KLHL15: variants seen among roughly 807,000 people sequenced by gnomAD.
KLHL15 encodes kelch like family member 15, also known as kelch-like protein 15.
In KLHL15, 1 loss-of-function variant was observed where a neutral mutation model predicts 29.3. That is an observed-to-expected ratio of 0.03 (90% CI 0.01 to 0.16). The LOEUF is 0.16. KLHL15 is among the 10% of genes least tolerant of loss of function. The pLI is 1.00. For synonymous variants in KLHL15, 212 were observed against 184.5 expected, an observed-to-expected ratio of 1.15 and a Z score of -1.21; for missense variants, 215 against 478.5, an observed-to-expected ratio of 0.45 and a Z score of 5.14.
chrX:24,017,439 C>T (rs1383460709), intron 2 of KLHL15, among the ~76,000 whole-genome samples: 1 of 109,643 alleles, frequency 9.1e-6, no homozygotes, highest in African/African-American at 3.3e-5. Context: ...TCAGTCTCCC[C>T]TCTCTACCAA....
At chrX:24,014,488 T>G (rs1188951878) in intron 2 of KLHL15, among the ~76,000 whole-genome samples, 2 of 107,150 alleles carry the variant, frequency 1.9e-5, no homozygotes, top group Non-Finnish European at 3.9e-5. Context: ...TAAAGGAAAT[T>G]TATAAAAGGA....
chrX:24,023,224 T>C (rs973248719), intron 2 of KLHL15, among the ~76,000 whole-genome samples: 4 of 111,560 alleles, frequency 3.6e-5, no homozygotes, highest in Non-Finnish European at 7.5e-5. Context: ...AGGTTAGGTT[T>C]CTGAGATAAC....
chrX:24,012,085 G>A (rs1314996605), intron 2 of KLHL15, among the ~76,000 whole-genome samples: 1 of 109,923 alleles, frequency 9.1e-6, no homozygotes, highest in Non-Finnish European at 1.9e-5. Flanking sequence ...AACCTGGGAG[G>A]TGGAGGTTGC....
intron 2 of KLHL15, among the ~76,000 whole-genome samples, chrX:24,021,549 C>T (rs761334319): frequency 9.8e-5 from 11 of 112,486 alleles, no homozygotes; most frequent in Non-Finnish European, 1.5e-4. Context: ...CTGACTGTTG[C>T]ATCTCCAGCA....
At chrX:24,016,462 C>T (rs1242365827) in intron 2 of KLHL15, among the ~76,000 whole-genome samples, 1 of 106,640 alleles carries the variant, frequency 9.4e-6, no homozygotes, top group Non-Finnish European at 1.9e-5. Flanking sequence ...GTCAGGAGTT[C>T]GAGACCAGCT....
intron 3 of KLHL15, among the ~76,000 whole-genome samples, chrX:24,001,017 GTAAGT>G (rs1321132996): frequency 8.9e-6 from 1 of 112,186 alleles, no homozygotes; most frequent in Non-Finnish European, 1.9e-5. Flanking sequence ...TAAATTCTCT[GTAAGT>G]TACAGAAATC....
intron 2 of KLHL15, among the ~76,000 whole-genome samples, chrX:24,012,278 T>C (rs186105503): frequency 2.3e-4 from 26 of 112,761 alleles, no homozygotes; most frequent in African/African-American, 8.0e-4. Context: ...TAAAAAAGTT[T>C]ATAAAAATCT....
chrX:24,010,385 T>C (rs778322740), intron 2 of KLHL15, among the ~76,000 whole-genome samples: 1 of 112,111 alleles, frequency 8.9e-6, no homozygotes, highest in African/African-American at 3.2e-5. Context: ...ACAAAAACTA[T>C]GCCAACTGGT....
Position 23,997,621 on chromosome X carries a change from C to G in KLHL15, c.705+8368G>C, listed in dbSNP as rs780696260. 4.4e-4 allele frequency among the ~76,000 whole-genome samples: 45 copies of G among 103,196 alleles called. No individual in the cohort carries two copies. The Admixed American group carries it at 4.7e-3, about 11-fold the overall frequency. The allele number at this position is 103,196 out of a possible 115,157, so 89.6% of individuals were successfully genotyped here. A position where few individuals can be genotyped will look rare whatever the true frequency, so the allele number is the denominator to read the frequency against. ...TGGTGTGCACCCGTAGTCCCAGCTA[C>G]TCGGGAGGCTGAGGCAGGAGAATCA... On this transcript the variant is annotated intron_variant, in intron 3 of 3. Coordinates refer to ENST00000328046, the MANE Select transcript of KLHL15 (RefSeq NM_030624.3).
intron 2 of KLHL15, among the ~76,000 whole-genome samples, chrX:24,019,027 A>T (rs376336237): frequency 2.7e-5 from 3 of 111,561 alleles, no homozygotes; most frequent in East Asian, 5.6e-4. Flanking sequence ...AAGAATAGTT[A>T]TTTGTCTTTT....
intron 2 of KLHL15, among the ~76,000 whole-genome samples, chrX:24,016,054 T>C (rs1176889844): frequency 9.3e-6 from 1 of 107,782 alleles, no homozygotes; most frequent in Non-Finnish European, 1.9e-5. Flanking sequence ...AACTTTTAAA[T>C]TGGGGTACTT....
intron 3 of KLHL15, among the ~76,000 whole-genome samples, chrX:23,992,266 A>C (rs781776722): frequency 8.9e-6 from 1 of 112,319 alleles, no homozygotes; most frequent in South Asian, 3.7e-4. Flanking sequence ...GATAGAAGTG[A>C]GAGTACGTGA....
At chrX:24,010,430 G>A (rs1288359354) in intron 2 of KLHL15, among the ~76,000 whole-genome samples, 1 of 111,987 alleles carries the variant, frequency 8.9e-6, no homozygotes, top group Admixed American at 9.6e-5. Context: ...GTGCCTCTTG[G>A]CAGTTTCGTC....
At chrX:24,023,543 T>C (rs991396213) in intron 2 of KLHL15, among the ~76,000 whole-genome samples, 1 of 112,022 alleles carries the variant, frequency 8.9e-6, no homozygotes, top group Non-Finnish European at 1.9e-5. Context: ...TTTTCACTTT[T>C]TGTGGACCAT....
At chrX:24,011,833 G>A (rs1312822671) in intron 2 of KLHL15, among the ~76,000 whole-genome samples, 1 of 110,735 alleles carries the variant, frequency 9.0e-6, no homozygotes, top group Admixed American at 9.6e-5. Flanking sequence ...AGTCTAAAAG[G>A]ATAGAATGCC....
rs895580980 is a variant in KLHL15 at position 23,985,267 on chromosome X, C to A, written c.*2654G>T. 3 of 111,272 alleles carry A rather than the reference C, an allele frequency of 2.7e-5. No homozygotes were observed. Among genetic ancestry groups the A allele is most frequent in the Non-Finnish European group, 5.7e-5 (3 of 52,972 alleles). 9.2% of individuals were successfully genotyped at this position (111,272 alleles called of 1,213,427 possible). A position where few individuals can be genotyped will look rare whatever the true frequency, so the allele number is the denominator to read the frequency against. On this transcript the variant is annotated 3_prime_UTR_variant, in exon 4 of 4. Coordinates refer to ENST00000328046, the MANE Select transcript of KLHL15 (RefSeq NM_030624.3). ...TCTTACTGAATTTTTCAAAAAACTA[C>A]TTTTTTGAGCGCAATGTATATAAAC...
chrX:24,017,230 A>T (rs895379543), intron 2 of KLHL15, among the ~76,000 whole-genome samples: 10 of 108,310 alleles, frequency 9.2e-5, no homozygotes, highest in African/African-American at 3.1e-4. Flanking sequence ...AAAAAAAAAA[A>T]TTAGATTCTA....
chrX:24,016,316 G>A (rs1388480195), intron 2 of KLHL15, among the ~76,000 whole-genome samples: 1 of 85,032 alleles, frequency 1.2e-5, no homozygotes, highest in African/African-American at 4.8e-5. Context: ...CTCCAGCCTG[G>A]GCGACAGAGC....
chrX:24,001,819 A>C (rs1929325595), intron 3 of KLHL15, among the ~76,000 whole-genome samples: 1 of 103,965 alleles, frequency 9.6e-6, no homozygotes, highest in African/African-American at 3.5e-5. Context: ...AAAAAAAAAA[A>C]AAAAAAAAGA....
Sources: gnomAD v4.1 joint callset for allele counts (sites outside exome capture counted in the v4.1 genomes callset) on GRCh38, gnomAD v4.1.1 for gene constraint, MANE v1.5 for transcripts, NCBI Gene and HGNC (gene_info 2026-07-23, HGNC 2026-07-21) for gene names.